TLL1: variants seen among roughly 807,000 people sequenced by gnomAD.
The protein encoded by TLL1 is tolloid-like protein 1.
In TLL1, 49 loss-of-function variants were observed where a neutral mutation model predicts 128.2. The ratio of observed to expected loss-of-function variants is 0.38; its 90% CI spans 0.30 to 0.48. The LOEUF is 0.48. TLL1 is among the 20% of genes least tolerant of loss of function. The probability of loss-of-function intolerance (pLI) is 0.96; values close to 1 mark genes in which losing one functional copy is unlikely to be tolerated. For missense variants in TLL1, 1,123 were observed against 1,242.0 expected (o/e 0.90, Z 1.44); for synonymous variants, 454 against 418.8 (o/e 1.08, Z -1.03).
At chr4:165,982,852 C>T (rs562376173) in intron 1 of TLL1, among the ~76,000 whole-genome samples, 16 of 151,446 alleles carry the variant, frequency 1.1e-4, no homozygotes, top group Middle Eastern at 3.4e-3. Context: ...TTCAAAAAGA[C>T]GTATCAGGGT....
chr4:165,875,423 T>C (rs1579428853), intron 1 of TLL1, among the ~76,000 whole-genome samples: 1 of 152,194 alleles, frequency 6.6e-6, no homozygotes. Flanking sequence ...GGTGCATCCT[T>C]AAATGCAGGT....
rs1742311328 is a variant in TLL1, at chr4:166,101,989, T to C, written c.*1113T>C. On this transcript the variant is annotated 3_prime_UTR_variant, in exon 21 of 21. Coordinates refer to ENST00000061240, the MANE Select transcript of TLL1 (RefSeq NM_012464.5). ...TCTTATGGTGCTATTCCATAAACTT[T>C]TTTTCAAACAAGTTTTTGACCTTTG... The C allele has an allele frequency of 6.6e-6, 1 of 152,458 alleles. No homozygotes were observed. Among genetic ancestry groups the C allele is most frequent in the Non-Finnish European group, 1.5e-5 (1 of 67,948 alleles). The allele number at this position is 152,458 out of a possible 1,614,324, so 9.4% of individuals were successfully genotyped here.
intron 6 of TLL1, among the ~76,000 whole-genome samples, chr4:166,007,063 G>A (rs573785711): frequency 4.0e-5 from 6 of 151,700 alleles, no homozygotes; most frequent in African/African-American, 1.4e-4. Context: ...GTATTTTGAT[G>A]TTTCAAAGCT....
chr4:166,101,025 G>C lies in TLL1; in HGVS notation c.*149G>C. The stretch of plus-strand genomic sequence containing the variant: ...GACCAGAATTATCTTTGTACTAAAA[G>C]AGAAGTTTCCAGCAAAACCCTCATC... On this transcript the variant is annotated 3_prime_UTR_variant, in exon 21 of 21. Transcript: ENST00000061240. The C allele has an allele frequency of 1.9e-6, 2 of 1,034,538 alleles. No homozygotes were observed. The highest frequency in any genetic ancestry group is 2.8e-6 in the Non-Finnish European group (2 of 716,848). 64.1% of individuals were successfully genotyped at this position (1,034,538 alleles called of 1,614,324 possible).
In TLL1 at chr4:166,081,233, T is replaced by G. The variant is rs138016592; in HGVS notation, c.2442+3203T>G. On this transcript the variant is annotated intron_variant, in intron 18 of 20. Transcript: ENST00000061240. Reference sequence around the variant, plus strand: ...TTGTTTTTGGTTTTATTTTGTTTTGTCTGTTTTGTTTTAACATTTCCTCTG... The same window carrying G: ...TTGTTTTTGGTTTTATTTTGTTTTGGCTGTTTTGTTTTAACATTTCCTCTG... Among the ~76,000 whole-genome samples the G allele has an allele frequency of 8.1e-3, 1,240 of 152,274 alleles. 18 individuals carry two copies. Among genetic ancestry groups the G allele is most frequent in the African/African-American group, 0.028 (1,176 of 41,546 alleles).
chr4:166,092,820 T>C (rs1290176199), intron 19 of TLL1, among the ~76,000 whole-genome samples: 1 of 152,194 alleles, frequency 6.6e-6, no homozygotes, highest in Non-Finnish European at 1.5e-5. Context: ...TGTCCCAGTG[T>C]GTTGGTACAT....
rs1171349022 is a variant in TLL1, at chr4:165,986,916, G to A, written c.170-2465G>A. ...ACATTTTGCTTAGTTGAGTGCCTCC[G>A]TTTTCAAGTCAACCATCTGACTCAA... On this transcript the variant is annotated intron_variant, in intron 1 of 20. Coordinates refer to ENST00000061240, the MANE Select transcript of TLL1 (RefSeq NM_012464.5). 9.2e-5 allele frequency among the ~76,000 whole-genome samples: 14 copies of A among 152,070 alleles called. 1 individual carries two copies. The highest frequency in any genetic ancestry group is 2.1e-4 in the South Asian group (1 of 4,828).
At chr4:166,091,035 A>G (rs1741746782) in intron 18 of TLL1, 93 bp from the exon 19 acceptor site, 3 of 1,015,984 alleles carry the variant, frequency 3.0e-6, no homozygotes, top group East Asian at 5.2e-5. Context: ...TGCCCTGAAC[A>G]TATTTTATTG....
chr4:166,099,636 A>AG (rs1306995070), intron 20 of TLL1, 109 bp downstream of exon 20: 3 of 1,470,516 alleles, frequency 2.0e-6, no homozygotes, highest in East Asian at 4.6e-5. Context: ...CAAAAAAAAA[A>AG]AAAAAAGGCT....
At chr4:165,887,473 A>G (rs189754993) in intron 1 of TLL1, among the ~76,000 whole-genome samples, 5 of 152,334 alleles carry the variant, frequency 3.3e-5, no homozygotes, top group Admixed American at 1.3e-4. Flanking sequence ...ATGGCTTCAT[A>G]CTTTAGTGAC....
rs1742322832 is a variant in TLL1, at chr4:166,102,234, C to T, written c.*1358C>T. ...CATAATAGTGTATGTTAATTAACAG[C>T]TCTATGAAGAAAATCCATTTCCATG... On this transcript the variant is annotated 3_prime_UTR_variant, in exon 21 of 21. Coordinates refer to ENST00000061240, the MANE Select transcript of TLL1 (RefSeq NM_012464.5). 6.6e-6 allele frequency: 1 copy of T among 152,396 alleles called. No homozygotes were observed. Among genetic ancestry groups the T allele is most frequent in the Non-Finnish European group, 1.5e-5 (1 of 67,946 alleles). The allele number at this position is 152,396 out of a possible 1,614,324, so 9.4% of individuals were successfully genotyped here.
At chr4:166,089,939 A>T (rs773206058) in intron 18 of TLL1, among the ~76,000 whole-genome samples, 4 of 152,034 alleles carry the variant, frequency 2.6e-5, no homozygotes, top group Non-Finnish European at 2.9e-5. Flanking sequence ...CGAAGTCAGA[A>T]GTGATAGTGG....
At chr4:165,904,891 G>A (rs886246936) in intron 1 of TLL1, among the ~76,000 whole-genome samples, 3 of 152,102 alleles carry the variant, frequency 2.0e-5, no homozygotes, top group African/African-American at 4.8e-5. Context: ...GAAATTGGAC[G>A]GAAAATAAGC....
intron 17 of TLL1, among the ~76,000 whole-genome samples, chr4:166,075,701 A>C (rs1579711548): frequency 6.6e-6 from 1 of 152,134 alleles, no homozygotes; most frequent in African/African-American, 2.4e-5. Flanking sequence ...TTTCTACTTA[A>C]ATTGGATTTA....
chr4:165,971,924 T>G (rs1735645037), intron 1 of TLL1, among the ~76,000 whole-genome samples: 1 of 152,126 alleles, frequency 6.6e-6, no homozygotes, highest in African/African-American at 2.4e-5. Flanking sequence ...AGTGATCTGT[T>G]TTTTGTTGTT....
chr4:166,025,433 T>C lies in TLL1; in HGVS notation c.1158+2T>C. ...GTTTCTGTGACCCCAGGGGAGAAGG[T>C]AGTTTATACCGTCAAGCCCACTATT... is the stretch of plus-strand genomic sequence containing the variant. On this transcript the variant is annotated splice_donor_variant, in intron 9 of 20. Transcript: ENST00000061240. LOFTEE classifies it high-confidence loss of function. 1 of 1,588,884 alleles carries C rather than the reference T, an allele frequency of 6.3e-7. No homozygotes were observed. Among genetic ancestry groups the C allele is most frequent in the Non-Finnish European group, 8.6e-7 (1 of 1,157,184 alleles).
chr4:166,041,270 T>G (rs147725845), intron 10 of TLL1, among the ~76,000 whole-genome samples: 1 of 151,588 alleles, frequency 6.6e-6, no homozygotes, highest in African/African-American at 2.4e-5. Flanking sequence ...GAACTCCACT[T>G]TGAGCTGAGA....
chr4:166,080,425 T>G (rs932516370), intron 18 of TLL1, among the ~76,000 whole-genome samples: 13 of 152,188 alleles, frequency 8.5e-5, no homozygotes, highest in African/African-American at 2.9e-4. Context: ...CATCTGTTCT[T>G]GCATATTCTC....
chr4:165,998,204 T>C (rs1335530137), intron 5 of TLL1, among the ~76,000 whole-genome samples: 1 of 152,208 alleles, frequency 6.6e-6, no homozygotes, highest in African/African-American at 2.4e-5. Context: ...AAATGTGAGA[T>C]TATTTTATGA....
Sources: allele counts gnomAD v4.1 joint callset (sites outside exome capture counted in the v4.1 genomes callset), GRCh38; gene constraint gnomAD v4.1.1; transcripts MANE v1.5; gene names NCBI Gene and HGNC (gene_info 2026-07-23, HGNC 2026-07-21).